Variants in RBFOX1 observed in about 807,000 individuals in gnomAD.
RBFOX1 encodes the protein RNA binding fox-1 homolog 1.
In RBFOX1, 8 loss-of-function variants were observed where a neutral mutation model predicts 57.7. The ratio of observed to expected loss-of-function variants is 0.14; its 90% CI spans 0.08 to 0.25. RBFOX1 has a LOEUF of 0.25. Ranked by LOEUF, RBFOX1 falls within the 10% of genes least tolerant of loss-of-function variation. The pLI is 1.00. For synonymous variants in RBFOX1, 326 were observed against 222.4 expected, an observed-to-expected ratio of 1.47 and a Z score of -4.15; for missense variants, 611 against 548.5, an observed-to-expected ratio of 1.11 and a Z score of -1.14.
At chr16:7,702,978 C>T (rs750727601) in intron 14 of RBFOX1, among the ~76,000 whole-genome samples, 3 of 152,142 alleles carry the variant, frequency 2.0e-5, no homozygotes, top group Non-Finnish European at 2.9e-5. Context: ...TACCTGGTGC[C>T]CCAGAGCACC....
At chr16:6,917,078 T>C (rs115473880) in intron 3 of RBFOX1, among the ~76,000 whole-genome samples, 1 of 152,190 alleles carries the variant, frequency 6.6e-6, no homozygotes, top group Non-Finnish European at 1.5e-5. Context: ...CCTGAACTCA[T>C]GATCTGAGGT....
At chr16:6,263,691 G>GT (rs1276598993) in intron 1 of RBFOX1, among the ~76,000 whole-genome samples, 12 of 151,898 alleles carry the variant, frequency 7.9e-5, no homozygotes, top group Non-Finnish European at 2.9e-5. Context: ...TGCTCCATTT[G>GT]TTTTTGTAAA....
chr16:5,325,813 T>C (rs755750506), intron 1 of RBFOX1, among the ~76,000 whole-genome samples: 1 of 152,248 alleles, frequency 6.6e-6, no homozygotes, highest in Non-Finnish European at 1.5e-5. Context: ...GCAGTTTGTT[T>C]ATCCATTCAC....
At chr16:5,764,867 G>C (rs747829172) in intron 3 of RBFOX1, among the ~76,000 whole-genome samples, 3 of 152,014 alleles carry the variant, frequency 2.0e-5, no homozygotes, top group Non-Finnish European at 4.4e-5. Flanking sequence ...CTCTGTATAT[G>C]GCCTTTTATT....
At chr16:6,798,941 C>A (rs1324188278) in intron 3 of RBFOX1, among the ~76,000 whole-genome samples, 2 of 152,114 alleles carry the variant, frequency 1.3e-5, no homozygotes, top group Admixed American at 6.5e-5. Flanking sequence ...TCAAGTTTCT[C>A]TTCAAATGGC....
At chr16:5,714,083 G>T (rs926185944) in intron 3 of RBFOX1, among the ~76,000 whole-genome samples, 1 of 152,218 alleles carries the variant, frequency 6.6e-6, no homozygotes, top group Non-Finnish European at 1.5e-5. Context: ...GCCGCCTTCA[G>T]TTCTCTTTGC....
At chr16:6,700,220 C>A (rs1337659244) in intron 3 of RBFOX1, among the ~76,000 whole-genome samples, 1 of 152,088 alleles carries the variant, frequency 6.6e-6, no homozygotes. Context: ...GAGAAGTGTA[C>A]CATGCACTGT....
At chr16:5,782,930 T>C (rs1299024614) in intron 3 of RBFOX1, among the ~76,000 whole-genome samples, 1 of 152,200 alleles carries the variant, frequency 6.6e-6, no homozygotes. Context: ...TTGTTCTATG[T>C]AGGCCCTCCA....
intron 3 of RBFOX1, among the ~76,000 whole-genome samples, chr16:6,758,590 C>G (rs559129345): frequency 1.3e-5 from 2 of 152,132 alleles, no homozygotes; most frequent in South Asian, 4.1e-4. Context: ...CTGTACCAAG[C>G]AACTACATTT....
chr16:6,319,068 T>G lies in RBFOX1; in HGVS notation c.-64+2011T>G, dbSNP rs552107110. On this transcript the variant is annotated intron_variant, in intron 2 of 15. Coordinates refer to ENST00000550418, the MANE Select transcript of RBFOX1 (RefSeq NM_018723.4). Reference sequence around the variant, plus strand: ...ATCTAAGCTGGCCACATGCCTGGGTTTTGTGTGTTCTTCACCCATAACATG... The same window carrying G: ...ATCTAAGCTGGCCACATGCCTGGGTGTTGTGTGTTCTTCACCCATAACATG... Among the ~76,000 whole-genome samples the G allele has an allele frequency of 6.6e-5, 10 of 152,066 alleles. No individual in the cohort carries two copies. The East Asian group carries it at 1.9e-3, about 29-fold the overall frequency.
intron 4 of RBFOX1, among the ~76,000 whole-genome samples, chr16:6,011,438 T>G (rs1237621030): frequency 6.6e-6 from 1 of 152,172 alleles, no homozygotes; most frequent in Non-Finnish European, 1.5e-5. Flanking sequence ...ATCAGACTGT[T>G]AAAGATTTAA....
chr16:7,386,869 C>A (rs1290732783), intron 4 of RBFOX1, among the ~76,000 whole-genome samples: 1 of 152,178 alleles, frequency 6.6e-6, no homozygotes, highest in Non-Finnish European at 1.5e-5. Flanking sequence ...TCCTATTTCT[C>A]CACATCCTCT....
chr16:7,270,303 T>G (rs1032308129), intron 4 of RBFOX1, among the ~76,000 whole-genome samples: 1 of 152,216 alleles, frequency 6.6e-6, no homozygotes, highest in Non-Finnish European at 1.5e-5. Flanking sequence ...CCTGGAAGCA[T>G]CTGTCTGGTT....
chr16:6,222,572 A>C (rs934059563), intron 1 of RBFOX1, among the ~76,000 whole-genome samples: 1 of 151,806 alleles, frequency 6.6e-6, no homozygotes, highest in Non-Finnish European at 1.5e-5. Context: ...TTTAGTGCAC[A>C]TAACAATCAC....
At chr16:6,094,288 A>T (rs2096216610) in intron 1 of RBFOX1, among the ~76,000 whole-genome samples, 1 of 152,192 alleles carries the variant, frequency 6.6e-6, no homozygotes, top group African/African-American at 2.4e-5. Context: ...AAAGGAAGAG[A>T]GACCATTGGG....
At chr16:7,594,725 G>T (rs886919836) in intron 7 of RBFOX1, among the ~76,000 whole-genome samples, 4 of 152,152 alleles carry the variant, frequency 2.6e-5, no homozygotes, top group African/African-American at 9.7e-5. Flanking sequence ...CTGTTGATAT[G>T]AAAAATAAAT....
At chr16:6,380,280 C>G (rs553398576) in intron 2 of RBFOX1, among the ~76,000 whole-genome samples, 2 of 151,980 alleles carry the variant, frequency 1.3e-5, no homozygotes, top group South Asian at 2.1e-4. Context: ...TCCAATGGGA[C>G]TGATGTTCTC....
chr16:6,635,730 G>C (rs1306892667), intron 2 of RBFOX1, among the ~76,000 whole-genome samples: 1 of 152,128 alleles, frequency 6.6e-6, no homozygotes, highest in African/African-American at 2.4e-5. Flanking sequence ...CTGCCTAAGA[G>C]AGATCAATTT....
intron 1 of RBFOX1, among the ~76,000 whole-genome samples, chr16:6,274,351 A>G (rs527704662): frequency 6.6e-6 from 1 of 152,346 alleles, no homozygotes; most frequent in African/African-American, 2.4e-5. Flanking sequence ...TCCATACCAC[A>G]AAATACAACC....
Sources: allele counts gnomAD v4.1 joint callset (sites outside exome capture counted in the v4.1 genomes callset), GRCh38; gene constraint gnomAD v4.1.1; transcripts MANE v1.5; gene names NCBI Gene and HGNC (gene_info 2026-07-23, HGNC 2026-07-21).